DCC: variants seen among roughly 807,000 people sequenced by gnomAD.
The protein encoded by DCC is DCC netrin 1 receptor, also known as netrin receptor DCC.
A neutral mutation model predicts 172.5 loss-of-function variants in DCC; 58 were observed. The ratio of observed to expected loss-of-function variants is 0.34; its 90% CI spans 0.27 to 0.42. DCC has a LOEUF of 0.42. Among genes scored for constraint, DCC ranks in the 10% least tolerant of loss-of-function variants. DCC has a pLI of 1.00. For missense variants in DCC, 1,740 were observed against 1,791.0 expected (o/e 0.97, Z 0.51); for synonymous variants, 709 against 644.5 (o/e 1.10, Z -1.52).
intron 1 of DCC, among the ~76,000 whole-genome samples, chr18:52,376,011 G>A (rs987361717): frequency 6.6e-6 from 1 of 152,180 alleles, no homozygotes. Flanking sequence ...CTACATGCTA[G>A]CCCGAAAGAC....
chr18:53,264,629 C>A (rs1007625240), intron 12 of DCC, among the ~76,000 whole-genome samples: 18 of 152,010 alleles, frequency 1.2e-4, no homozygotes, highest in Non-Finnish European at 2.5e-4. Context: ...CCCTCTGGTT[C>A]CTTTCTAAAT....
At chr18:53,399,392 A>G (rs558838685) in intron 18 of DCC, among the ~76,000 whole-genome samples, 1 of 152,252 alleles carries the variant, frequency 6.6e-6, no homozygotes, top group African/African-American at 2.4e-5. Context: ...CCCAACTGAT[A>G]TTGCTACCAA....
chr18:52,752,123 G>C lies in DCC; in HGVS notation c.161G>C (p.Gly54Ala). The C allele has an allele frequency of 6.2e-7, 1 of 1,614,154 alleles. No homozygotes were observed. The highest frequency in any genetic ancestry group is 8.5e-7 in the Non-Finnish European group (1 of 1,180,032). Residue 54 changes from glycine to alanine, a missense_variant, in exon 2 of 29, where the codon GGA becomes GCA. Physicochemically the swap from Gly to Ala is moderately conservative, Grantham distance 60. Coordinates refer to ENST00000442544, the MANE Select transcript of DCC (RefSeq NM_005215.4). ...CCTTCTGATGCCGTCACAATGCGGG[G>C]AGGAAATGTCCTCCTCGACTGCTCC... The part of the protein sequence containing the change: ...SEPSDAVTMR[G>A]GNVLLDCSAE...
chr18:52,490,196 G>C (rs1598858837), intron 1 of DCC, among the ~76,000 whole-genome samples: 1 of 152,074 alleles, frequency 6.6e-6, no homozygotes, highest in Non-Finnish European at 1.5e-5. Context: ...TAATAGACCT[G>C]GCAATTTCTA....
intron 7 of DCC, among the ~76,000 whole-genome samples, chr18:53,139,614 C>G (rs2043800515): frequency 6.6e-6 from 1 of 152,048 alleles, no homozygotes; most frequent in South Asian, 2.1e-4. Context: ...TAAATTTTAA[C>G]TCAGTTGACT....
intron 2 of DCC, among the ~76,000 whole-genome samples, chr18:52,845,457 C>A (rs1325640164): frequency 6.6e-6 from 1 of 152,154 alleles, no homozygotes; most frequent in Non-Finnish European, 1.5e-5. Context: ...CCATGGCCCC[C>A]CTGAGAGGAT....
chr18:53,055,152 G>C (rs2042386817), intron 5 of DCC, among the ~76,000 whole-genome samples: 1 of 151,980 alleles, frequency 6.6e-6, no homozygotes, highest in Non-Finnish European at 1.5e-5. Flanking sequence ...CTTGGCCTTG[G>C]GGACACAAAG....
Position 53,043,005 on chromosome 18 carries a change from G to C in DCC, c.986-20300G>C, listed in dbSNP as rs2042190272. Among the ~76,000 whole-genome samples, 3 of 151,962 alleles carry C rather than the reference G, an allele frequency of 2.0e-5. No individual in the cohort carries two copies. The South Asian group carries it at 6.2e-4, about 32-fold the overall frequency. On this transcript the variant is annotated intron_variant, in intron 5 of 28. Transcript: ENST00000442544. Reference sequence around the variant, plus strand: ...GGATTATAAATCATTCTTCTATAAAGACATATGCACACGTATGTTTATTGC... The same window carrying C: ...GGATTATAAATCATTCTTCTATAAACACATATGCACACGTATGTTTATTGC...
rs918694107 is a variant in DCC at position 52,387,452 on chromosome 18, A to G, written c.91+46574A>G. Among the ~76,000 whole-genome samples the G allele has an allele frequency of 3.3e-5, 5 of 152,024 alleles. 1 individual carries two copies. The highest frequency in any genetic ancestry group is 1.2e-4 in the African/African-American group (5 of 41,386). On this transcript the variant is annotated intron_variant, in intron 1 of 28. Transcript: ENST00000442544. ...TTTCACGTGTATTGAAGCTGCAGCA[A>G]TCTCCTTCTGCAAGCCCTTGCTATG...
chr18:52,644,106 C>T (rs1460956543), intron 1 of DCC, among the ~76,000 whole-genome samples: 2 of 152,076 alleles, frequency 1.3e-5, no homozygotes, highest in Non-Finnish European at 1.5e-5. Context: ...AAGCCATTTG[C>T]TCAAGGATTT....
At chr18:53,203,709 C>T (rs770313224) in intron 9 of DCC, among the ~76,000 whole-genome samples, 3 of 152,144 alleles carry the variant, frequency 2.0e-5, no homozygotes, top group Non-Finnish European at 2.9e-5. Flanking sequence ...GAAGTTCAAA[C>T]TCTCAGAACT....
chr18:52,371,367 G>C (rs1209915275), intron 1 of DCC, among the ~76,000 whole-genome samples: 1 of 152,084 alleles, frequency 6.6e-6, no homozygotes, highest in East Asian at 1.9e-4. Flanking sequence ...GTACTAAATT[G>C]GACAATTTTT....
intron 1 of DCC, chr18:52,409,020 A>C (rs1397830212): frequency 2.6e-5 from 4 of 152,130 alleles, no homozygotes; most frequent in African/African-American, 9.7e-5. Context: ...ATACCCCTAC[A>C]GACAATCCTG....
At chr18:53,302,772 T>G (rs778940077) in intron 12 of DCC, among the ~76,000 whole-genome samples, 1 of 152,182 alleles carries the variant, frequency 6.6e-6, no homozygotes, top group Non-Finnish European at 1.5e-5. Flanking sequence ...AATTGTATGA[T>G]TCATGTTCTG....
intron 15 of DCC, among the ~76,000 whole-genome samples, chr18:53,348,065 A>G (rs932003596): frequency 6.6e-6 from 1 of 152,162 alleles, no homozygotes; most frequent in African/African-American, 2.4e-5. Flanking sequence ...CCTTCCCAGC[A>G]GTCCCCCAAA....
At chr18:53,059,190 T>C (rs1396811163) in intron 5 of DCC, among the ~76,000 whole-genome samples, 6 of 152,134 alleles carry the variant, frequency 3.9e-5, no homozygotes, top group Admixed American at 3.9e-4. Context: ...ACTGTCTCCA[T>C]GATTAAATTA....
At position 52,573,595 on chromosome 18, in the gene DCC, C is replaced by T. The variant is rs1051749413; in HGVS notation, c.92-178459C>T. 2.6e-5 allele frequency among the ~76,000 whole-genome samples: 4 copies of T among 152,254 alleles called. No homozygotes were observed. The East Asian group carries it at 5.8e-4, about 22-fold the overall frequency. On this transcript the variant is annotated intron_variant, in intron 1 of 28. Coordinates refer to ENST00000442544, the MANE Select transcript of DCC (RefSeq NM_005215.4). ...TGTGGTGTTTTCATTTCTGTTCGTT[C>T]TCTTTTAATTACCAAGGGCTGAATT... is the stretch of plus-strand genomic sequence containing the variant.
At chr18:52,485,634 G>A (rs1465787490) in intron 1 of DCC, among the ~76,000 whole-genome samples, 5 of 152,028 alleles carry the variant, frequency 3.3e-5, no homozygotes, top group African/African-American at 9.7e-5. Context: ...AGTACCAGGA[G>A]ACCTGTTGTA....
At chr18:52,544,884 T>G (rs1051816686) in intron 1 of DCC, among the ~76,000 whole-genome samples, 1 of 152,172 alleles carries the variant, frequency 6.6e-6, no homozygotes, top group Non-Finnish European at 1.5e-5. Flanking sequence ...TAACCATTAT[T>G]CTCACCCATT....
Sources: allele counts gnomAD v4.1 joint callset (sites outside exome capture counted in the v4.1 genomes callset), GRCh38; gene constraint gnomAD v4.1.1; transcripts MANE v1.5; gene names NCBI Gene and HGNC (gene_info 2026-07-23, HGNC 2026-07-21).